SPOCK1: variants seen among roughly 807,000 people sequenced by gnomAD.
SPOCK1 encodes the protein SPARC (osteonectin), cwcv and kazal like domains proteoglycan 1, also known as testican-1.
Under a neutral mutation model 55.3 loss-of-function variants are expected in SPOCK1, and 23 were observed. That is an observed-to-expected ratio of 0.42 (90% CI 0.30 to 0.59). The LOEUF (loss-of-function observed/expected upper bound fraction) is 0.59, where lower values mean the gene tolerates loss of function less well. Ranked by LOEUF, SPOCK1 falls within the 20% of genes least tolerant of loss-of-function variation. The probability of loss-of-function intolerance (pLI) is 0.22; values close to 1 mark genes in which losing one functional copy is unlikely to be tolerated. For synonymous variants in SPOCK1, 226 were observed against 221.0 expected, an observed-to-expected ratio of 1.02 and a Z score of -0.20; for missense variants, 499 against 552.5, an observed-to-expected ratio of 0.90 and a Z score of 0.97.
chr5:136,996,997 C>T lies in SPOCK1; in HGVS notation c.590-4397G>A, dbSNP rs568264990. Among the ~76,000 whole-genome samples, 23 of 152,254 alleles carry T rather than the reference C, an allele frequency of 1.5e-4. No homozygotes were observed. The East Asian group carries it at 4.4e-3, about 29-fold the overall frequency. ...AGCAGTAACACTCACTGCAAAGGTC[C>T]ACGGCTTCATTCTTGAAGTCAGTGA... On this transcript the variant is annotated intron_variant, in intron 6 of 10. Transcript: ENST00000394945.
intron 2 of SPOCK1, among the ~76,000 whole-genome samples, chr5:137,280,599 C>T (rs1328305392): frequency 6.6e-6 from 1 of 152,194 alleles, no homozygotes; most frequent in East Asian, 1.9e-4. Flanking sequence ...AAATCCCTTT[C>T]CTGTTAAATA....
rs374475578 is a variant in SPOCK1 at position 137,418,555 on chromosome 5, C to G, written c.186+79818G>C. 4.5e-3 allele frequency among the ~76,000 whole-genome samples: 692 copies of G among 152,230 alleles called. 7 individuals are homozygous for G. The highest frequency in any genetic ancestry group is 0.016 in the African/African-American group (657 of 41,556). On this transcript the variant is annotated intron_variant, in intron 2 of 10. Transcript: ENST00000394945. Reference sequence around the variant, plus strand: ...TTGATTTGCATTTCTCTGATGGCCACTGATGATGAGCATTTTTTCATGTGT... The same window carrying G: ...TTGATTTGCATTTCTCTGATGGCCAGTGATGATGAGCATTTTTTCATGTGT...
intron 3 of SPOCK1, among the ~76,000 whole-genome samples, chr5:137,167,282 C>A (rs1370863610): frequency 6.6e-6 from 1 of 151,966 alleles, no homozygotes; most frequent in Admixed American, 6.6e-5. Context: ...AATTATAAAT[C>A]TATTTGCACC....
At chr5:137,016,903 A>G (rs1376284146) in intron 6 of SPOCK1, among the ~76,000 whole-genome samples, 5 of 152,228 alleles carry the variant, frequency 3.3e-5, no homozygotes, top group African/African-American at 9.6e-5. Context: ...TAAAGGAGAA[A>G]CCAGGAACAA....
chr5:137,290,551 G>A (rs1757354139), intron 2 of SPOCK1, among the ~76,000 whole-genome samples: 5 of 152,214 alleles, frequency 3.3e-5, no homozygotes, highest in Admixed American at 3.3e-4. Context: ...TTACATGGGT[G>A]TGCTCACTTT....
intron 5 of SPOCK1, among the ~76,000 whole-genome samples, chr5:137,070,529 C>T (rs1410995531): frequency 6.6e-6 from 1 of 152,214 alleles, no homozygotes; most frequent in Non-Finnish European, 1.5e-5. Flanking sequence ...CCACAATTCA[C>T]TTTGCTGCTC....
chr5:137,103,083 C>A (rs1753302661), intron 5 of SPOCK1, among the ~76,000 whole-genome samples: 1 of 152,038 alleles, frequency 6.6e-6, no homozygotes. Flanking sequence ...CTCTGCCTCC[C>A]AGGTTCAAGA....
chr5:137,265,458 G>T (rs1756829865), intron 3 of SPOCK1, among the ~76,000 whole-genome samples: 1 of 152,156 alleles, frequency 6.6e-6, no homozygotes, highest in Non-Finnish European at 1.5e-5. Context: ...TTGCAGAAGG[G>T]CTTGTTTATC....
At chr5:137,132,782 G>A (rs568469159) in intron 4 of SPOCK1, among the ~76,000 whole-genome samples, 7 of 152,256 alleles carry the variant, frequency 4.6e-5, no homozygotes, top group African/African-American at 1.2e-4. Context: ...CTCTGGAAGC[G>A]CTTTTTTTGT....
chr5:137,054,858 T>C (rs559804764), intron 6 of SPOCK1, among the ~76,000 whole-genome samples: 34 of 152,258 alleles, frequency 2.2e-4, no homozygotes, highest in Non-Finnish European at 4.6e-4. Flanking sequence ...GCTGGGGATA[T>C]AAAGATAAAT....
chr5:137,472,537 G>C (rs1753757354), intron 2 of SPOCK1, among the ~76,000 whole-genome samples: 2 of 152,172 alleles, frequency 1.3e-5, no homozygotes, highest in Admixed American at 6.5e-5. Flanking sequence ...CCATGGAAGG[G>C]GAGTGTAATT....
chr5:137,468,788 A>G (rs1753673575), intron 2 of SPOCK1, among the ~76,000 whole-genome samples: 1 of 152,158 alleles, frequency 6.6e-6, no homozygotes, highest in African/African-American at 2.4e-5. Flanking sequence ...CACAGGGAGA[A>G]CGAAGCAGGC....
At chr5:137,057,013 C>A (rs1752314656) in intron 6 of SPOCK1, among the ~76,000 whole-genome samples, 1 of 152,126 alleles carries the variant, frequency 6.6e-6, no homozygotes, top group Non-Finnish European at 1.5e-5. Context: ...CAGGGCTTCC[C>A]ACATTATGCA....
chr5:137,312,639 G>C (rs1757809293), intron 2 of SPOCK1, among the ~76,000 whole-genome samples: 1 of 152,192 alleles, frequency 6.6e-6, no homozygotes, highest in Non-Finnish European at 1.5e-5. Flanking sequence ...GGGTGGTTTA[G>C]GTTGGAATGT....
At chr5:137,351,069 A>T (rs1364861511) in intron 2 of SPOCK1, among the ~76,000 whole-genome samples, 1 of 152,202 alleles carries the variant, frequency 6.6e-6, no homozygotes, top group Non-Finnish European at 1.5e-5. Flanking sequence ...TGTTTCAGAG[A>T]ACAGTTATAA....
intron 8 of SPOCK1, among the ~76,000 whole-genome samples, chr5:136,986,904 T>G (rs889802515): frequency 6.6e-6 from 1 of 152,138 alleles, no homozygotes; most frequent in African/African-American, 2.4e-5. Flanking sequence ...TTTAATTGGA[T>G]AAACTGATGC....
chr5:137,313,586 T>C, intron 2 of SPOCK1: 3 of 588,422 alleles, frequency 5.1e-6, no homozygotes, highest in Non-Finnish European at 6.4e-6. Flanking sequence ...CCTGACCCCA[T>C]TCTTCTAAGC....
intron 2 of SPOCK1, among the ~76,000 whole-genome samples, chr5:137,351,992 G>GCT (rs1561512337): frequency 1.3e-5 from 2 of 152,294 alleles, no homozygotes; most frequent in Non-Finnish European, 1.5e-5. Flanking sequence ...TGTAAGCAAG[G>GCT]ATATGGACAG....
rs940223122 is a variant in SPOCK1 at position 137,183,260 on chromosome 5, G to A, written c.233-42566C>T. ...GAAGAATGAGCAGGCACTAAGGTCC[G>A]CACATGGTATGAAGCAACATGCATG... On this transcript the variant is annotated intron_variant, in intron 3 of 10. Transcript: ENST00000394945. Among the ~76,000 whole-genome samples the A allele has an allele frequency of 3.3e-5, 5 of 152,134 alleles. No homozygotes were observed. In the South Asian group the frequency reaches 6.2e-4, roughly 19 times the overall value.
Sources: gnomAD v4.1 joint callset for allele counts (sites outside exome capture counted in the v4.1 genomes callset) on GRCh38, gnomAD v4.1.1 for gene constraint, MANE v1.5 for transcripts, NCBI Gene and HGNC (gene_info 2026-07-23, HGNC 2026-07-21) for gene names.